RORB: variants seen among roughly 807,000 people sequenced by gnomAD.
The protein encoded by RORB is RAR related orphan receptor B, also known as nuclear receptor ROR-beta.
Under a neutral mutation model 59.1 loss-of-function variants are expected in RORB, and 6 were observed. That is an observed-to-expected ratio of 0.10 (90% confidence interval 0.06 to 0.20). The LOEUF is 0.20. RORB is among the 10% of genes least tolerant of loss of function. The pLI, the probability that RORB is intolerant of heterozygous loss-of-function variation, is 1.00. For synonymous variants in RORB, 215 were observed against 204.5 expected (o/e 1.05, Z -0.44); for missense variants, 320 against 560.5 (o/e 0.57, Z 4.33).
intron 1 of RORB, among the ~76,000 whole-genome samples, chr9:74,528,947 A>G (rs1293966785): frequency 6.6e-6 from 1 of 152,052 alleles, no homozygotes; most frequent in Non-Finnish European, 1.5e-5. Flanking sequence ...TGTTGGAGCT[A>G]AGATTTCAGA....
intron 1 of RORB, among the ~76,000 whole-genome samples, chr9:74,627,561 C>T (rs1823540057): frequency 6.6e-6 from 1 of 152,132 alleles, no homozygotes; most frequent in Non-Finnish European, 1.5e-5. Flanking sequence ...CATCTTGTCA[C>T]ACCCCAGGGG....
intron 4 of RORB, among the ~76,000 whole-genome samples, chr9:74,654,683 C>CT (rs1376125596): frequency 6.6e-6 from 1 of 152,094 alleles, no homozygotes; most frequent in East Asian, 1.9e-4. Flanking sequence ...TCTGAGACTT[C>CT]TTTTTATTTG....
At chr9:74,636,034 T>C (rs1823696786) in intron 3 of RORB, among the ~76,000 whole-genome samples, 1 of 148,230 alleles carries the variant, frequency 6.7e-6, no homozygotes. Flanking sequence ...AGACGAGGTT[T>C]CCAAAATTTT....
intron 1 of RORB, among the ~76,000 whole-genome samples, chr9:74,552,262 C>T (rs1826622750): frequency 6.6e-6 from 1 of 152,144 alleles, no homozygotes. Flanking sequence ...ATTGGGTAAT[C>T]ATTTGGCAAG....
At chr9:74,539,861 A>G (rs1223152660) in intron 1 of RORB, among the ~76,000 whole-genome samples, 2 of 127,150 alleles carry the variant, frequency 1.6e-5, no homozygotes, top group Admixed American at 8.8e-5. Flanking sequence ...TACCCACCTT[A>G]ACCTCTCAAA....
intron 3 of RORB, 78 bp downstream of exon 3, chr9:74,634,850 AGAATTCTAGATGAGG>A (rs1823676392): frequency 1.5e-6 from 2 of 1,331,044 alleles, no homozygotes; most frequent in Non-Finnish European, 2.0e-6. Flanking sequence ...AGCTGCTGGA[AGAATTCTAGATGAGG>A]GAATTGGGGA....
At chr9:74,637,584 T>C (rs1823727244) in intron 3 of RORB, among the ~76,000 whole-genome samples, 1 of 11,628 alleles carries the variant, frequency 8.6e-5, no homozygotes, top group Non-Finnish European at 9.6e-3. Flanking sequence ...TCTCCATCAT[T>C]TTATTTTTTT....
intron 1 of RORB, among the ~76,000 whole-genome samples, chr9:74,566,078 A>G (rs1349786706): frequency 6.6e-6 from 1 of 152,182 alleles, no homozygotes; most frequent in Non-Finnish European, 1.5e-5. Context: ...CTACTTATTG[A>G]GGGCAATGGT....
intron 1 of RORB, among the ~76,000 whole-genome samples, chr9:74,546,849 G>A (rs946511447): frequency 2.6e-5 from 4 of 152,174 alleles, no homozygotes; most frequent in African/African-American, 9.7e-5. Flanking sequence ...CTGACAATGA[G>A]AGTGAAGACA....
chr9:74,598,396 G>T (rs1316778002), intron 1 of RORB, among the ~76,000 whole-genome samples: 2 of 152,142 alleles, frequency 1.3e-5, no homozygotes, highest in Non-Finnish European at 2.9e-5. Context: ...CAGAGAAAAA[G>T]AGCAATCATA....
chr9:74,512,116 T>G (rs1228595781), intron 1 of RORB, among the ~76,000 whole-genome samples: 1 of 152,154 alleles, frequency 6.6e-6, no homozygotes, highest in Admixed American at 6.6e-5. Flanking sequence ...GGCTCCTAAT[T>G]GGGGAAATTT....
At chr9:74,680,889 T>A (rs184586984) in intron 9 of RORB, among the ~76,000 whole-genome samples, 56 of 152,206 alleles carry the variant, frequency 3.7e-4, no homozygotes, top group Admixed American at 1.8e-3. Context: ...TTTTCTAACA[T>A]CAAATGTACC....
Position 74,497,696 on chromosome 9 carries a change from C to T in RORB, c.-281C>T. On this transcript the variant is annotated 5_prime_UTR_variant, in exon 1 of 10. Transcript: ENST00000376896. ...ACAAAACCAAAACAAAACCCAGGCACCAGACAGCCAGAACATTTTTTTTTC... is the reference window on the plus strand; with the variant it reads ...ACAAAACCAAAACAAAACCCAGGCATCAGACAGCCAGAACATTTTTTTTTC... 1 of 500,416 alleles carries T rather than the reference C, an allele frequency of 2.0e-6. No homozygotes were observed. 31.0% of individuals were successfully genotyped at this position (500,416 alleles called of 1,614,324 possible). A position where few individuals can be genotyped will look rare whatever the true frequency, so the allele number is the denominator to read the frequency against.
chr9:74,582,650 C>G (rs1188948679), intron 1 of RORB, among the ~76,000 whole-genome samples: 1 of 152,096 alleles, frequency 6.6e-6, no homozygotes, highest in Non-Finnish European at 1.5e-5. Context: ...TGCATTCTTG[C>G]TTAGCAACAA....
intron 1 of RORB, among the ~76,000 whole-genome samples, chr9:74,588,893 C>T (rs1486622147): frequency 1.3e-5 from 2 of 151,602 alleles, no homozygotes; most frequent in Non-Finnish European, 2.9e-5. Context: ...TTTCTTATTT[C>T]ATTCTGTTTT....
intron 3 of RORB, among the ~76,000 whole-genome samples, chr9:74,636,855 T>G (rs1255676970): frequency 1.3e-5 from 2 of 152,168 alleles, no homozygotes; most frequent in East Asian, 3.9e-4. Context: ...GCCTCTTCAC[T>G]ATATCATACA....
chr9:74,499,727 C>G (rs1219327620), intron 1 of RORB, among the ~76,000 whole-genome samples: 1 of 152,084 alleles, frequency 6.6e-6, no homozygotes, highest in African/African-American at 2.4e-5. Context: ...TTTTCTAGCC[C>G]ATCTCACCAT....
chr9:74,593,321 C>T (rs1425329680), intron 1 of RORB, among the ~76,000 whole-genome samples: 1 of 151,840 alleles, frequency 6.6e-6, no homozygotes, highest in Non-Finnish European at 1.5e-5. Flanking sequence ...ACAAAATTAG[C>T]CAGGCACAGT....
intron 9 of RORB, among the ~76,000 whole-genome samples, chr9:74,676,626 A>G (rs1334422363): frequency 6.6e-6 from 1 of 152,256 alleles, no homozygotes; most frequent in African/African-American, 2.4e-5. Context: ...TTAGGCCCAT[A>G]GCTCTATGCT....
Sources: allele counts gnomAD v4.1 joint callset (sites outside exome capture counted in the v4.1 genomes callset), GRCh38; gene constraint gnomAD v4.1.1; transcripts MANE v1.5; gene names NCBI Gene and HGNC (gene_info 2026-07-23, HGNC 2026-07-21).